TMEM63A: variants seen among roughly 807,000 people sequenced by gnomAD.
TMEM63A encodes the protein mechanosensitive cation channel TMEM63A.
TMEM63A carries 76 observed loss-of-function variants against 100.6 expected under a neutral mutation model. The observed-to-expected ratio is 0.76, with a 90% CI of 0.63 to 0.91. TMEM63A has a LOEUF of 0.91. TMEM63A is among the 40% of genes least tolerant of loss of function. TMEM63A has a pLI of 0.00. For missense variants in TMEM63A, 876 were observed against 1,008.8 expected (o/e 0.87, Z 1.78); for synonymous variants, 401 against 401.1 (o/e 1.00, Z 0.00).
rs1330686551 is a variant in TMEM63A at position 225,853,643 on chromosome 1, T to G, written c.1783A>C (p.Arg595=). The G allele has an allele frequency of 6.4e-7, 1 of 1,568,276 alleles. No individual in the cohort carries two copies. The highest frequency in any genetic ancestry group is 1.2e-5 in the South Asian group (1 of 85,138). ...MIMAKTAADR[R]NVKQNQAFQY... ...GGGGATGGCACCTGCTTGACATTCC[T>G]GCGGTCAGCAGCCGTCTTGGCCATG... is the stretch of plus-strand genomic sequence containing the variant. Residue 595 remains arginine, a synonymous_variant, in exon 19 of 25, where the codon AGG becomes CGG. Transcript: ENST00000366835. This position sits in a 1 kb window ranked among gnomAD's most constrained non-coding sequence, Gnocchi z 4.0.
In TMEM63A at chr1:225,867,958, G is replaced by A. The variant is rs1670297114; in HGVS notation, c.444C>T (p.Phe148=). 1.9e-6 allele frequency: 3 copies of A among 1,614,070 alleles called. No individual in the cohort carries two copies. In the Admixed American group the frequency reaches 5.0e-5, roughly 27 times the overall value. ...ACAAAAAGCTGACCACCACCAACAGGAAGATGATGTGCCTCTGGAAGGACA... is the reference window on the plus strand; with the variant it reads ...ACAAAAAGCTGACCACCACCAACAGAAAGATGATGTGCCTCTGGAAGGACA... ...HYLSFQRHII[F]LLVVVSFLSL... Residue 148 remains phenylalanine (F), a synonymous_variant, in exon 7 of 25, where the codon TTC becomes TTT. Coordinates refer to ENST00000366835, the MANE Select transcript of TMEM63A (RefSeq NM_014698.3). The surrounding 1 kb of genome is among the most constrained non-coding windows in gnomAD (Gnocchi z 4.6).
At chr1:225,870,240 T>C (rs184691632) in intron 6 of TMEM63A, among the ~76,000 whole-genome samples, 2 of 151,690 alleles carry the variant, frequency 1.3e-5, no homozygotes. Flanking sequence ...TAATCTCAGC[T>C]ACTCTGGAGG....
chr1:225,849,217 A>G (rs1364552359), intron 21 of TMEM63A, among the ~76,000 whole-genome samples: 1 of 149,038 alleles, frequency 6.7e-6, no homozygotes, highest in Non-Finnish European at 1.5e-5. Flanking sequence ...GAACACACAG[A>G]GGGACCCACT....
In TMEM63A at chr1:225,850,088, G is replaced by A; in HGVS notation, c.1904-9C>T. The A allele has an allele frequency of 6.2e-7, 1 of 1,613,918 alleles. No homozygotes were observed. The highest frequency in any genetic ancestry group is 1.1e-5 in the South Asian group (1 of 91,062). ...CAGGATGTAGATGAGGCCTGCAGGG[G>A]ATGGGGCTGTGAGCTGGAGACCTCG... is the stretch of plus-strand genomic sequence containing the variant. On this transcript the variant is annotated splice_polypyrimidine_tract_variant and intron_variant, in intron 20 of 24. Transcript: ENST00000366835.
intron 6 of TMEM63A, among the ~76,000 whole-genome samples, chr1:225,868,254 G>A (rs769938629): frequency 1.7e-4 from 26 of 152,254 alleles, no homozygotes; most frequent in Middle Eastern, 3.4e-3. Context: ...TACCATACTC[G>A]AGGTAAAGGA....
chr1:225,881,135 TC>T (rs11303700), intron 1 of TMEM63A, among the ~76,000 whole-genome samples: 144,423 of 152,280 alleles, frequency 0.95, 68,523 homozygotes, highest in East Asian at 1. Flanking sequence ...ACTGTTTACC[TC>T]CTACCCTGGA....
At chr1:225,864,510 G>C (rs957536813) in intron 10 of TMEM63A, 2 of 152,196 alleles carry the variant, frequency 1.3e-5, no homozygotes, top group African/African-American at 4.8e-5. Context: ...GTTTGTATGA[G>C]AATGAGGAGA....
downstream of TMEM63A, chr1:225,841,190 A>G (rs1173224400): frequency 1.3e-5 from 2 of 152,230 alleles, no homozygotes; most frequent in Non-Finnish European, 2.9e-5. Flanking sequence ...TTTAAGTCCT[A>G]TGAATAGAAT....
downstream of TMEM63A, chr1:225,845,339 C>T (rs775517001): frequency 5.6e-6 from 9 of 1,608,990 alleles, no homozygotes; most frequent in South Asian, 3.3e-5. Context: ...GGTGCTGGAG[C>T]GGCAATGACC....
chr1:225,869,667 T>TTTTCTTTTCTTTC (rs1553492496), intron 6 of TMEM63A, among the ~76,000 whole-genome samples: 10 of 2,640 alleles, frequency 3.8e-3, no homozygotes, highest in Admixed American at 0.018. Flanking sequence ...TTTTCTTTTC[T>TTTTCTTTTCTTTC]TTTTTTTTTT....
downstream of TMEM63A, among the ~76,000 whole-genome samples, chr1:225,843,094 G>C (rs1185114865): frequency 6.6e-6 from 1 of 152,228 alleles, no homozygotes; most frequent in African/African-American, 2.4e-5. Context: ...TAGGGACTCT[G>C]TCTTGGCCAT....
chr1:225,875,101 G>GT (rs1273501628), intron 3 of TMEM63A, among the ~76,000 whole-genome samples: 5 of 152,220 alleles, frequency 3.3e-5, no homozygotes, highest in Admixed American at 2.6e-4. Context: ...GAAACGGTCA[G>GT]TTTTTTCCTC....
intron 10 of TMEM63A, chr1:225,864,092 G>A (rs1670081501): frequency 6.6e-6 from 1 of 152,136 alleles, no homozygotes; most frequent in Non-Finnish European, 1.5e-5. Context: ...AGATCACACA[G>A]CTAGTGAGTG....
chr1:225,848,450 A>T (rs1416453512), intron 23 of TMEM63A, 42 bp downstream of exon 23: 1 of 1,610,252 alleles, frequency 6.2e-7, no homozygotes, highest in African/African-American at 1.3e-5. Context: ...ACCAAAGCAA[A>T]AAAAAGGGCG....
chr1:225,846,773 G>C lies in TMEM63A; in HGVS notation c.*166C>G, dbSNP rs1285839834. ...TTGTGCCGGAGGGGAAACTGGGTGAGCAAGGGAGGGGCGAGGCCTGCCTGT... is the reference window on the plus strand; with the variant it reads ...TTGTGCCGGAGGGGAAACTGGGTGACCAAGGGAGGGGCGAGGCCTGCCTGT... On this transcript the variant is annotated 3_prime_UTR_variant, in exon 25 of 25. Coordinates refer to ENST00000366835, the MANE Select transcript of TMEM63A (RefSeq NM_014698.3). 5.4e-6 allele frequency: 2 copies of C among 367,610 alleles called. No individual in the cohort carries two copies. The highest frequency in any genetic ancestry group is 9.8e-6 in the Non-Finnish European group (2 of 205,078). 22.8% of individuals were successfully genotyped at this position (367,610 alleles called of 1,614,324 possible).
Position 225,853,168 on chromosome 1 carries a change from G to T in TMEM63A, c.1798-399C>A, listed in dbSNP as rs1214241426. On this transcript the variant is annotated intron_variant, in intron 19 of 24. Transcript: ENST00000366835. The surrounding 1 kb of genome is among the most constrained non-coding windows in gnomAD (Gnocchi z 4.0). The stretch of plus-strand genomic sequence containing the variant: ...ATAAGGGGGCTGAGAATGAAATGAA[G>T]GAATGCAGCACTTCTCCCACTTTCC... 6.6e-6 allele frequency among the ~76,000 whole-genome samples: 1 copy of T among 152,162 alleles called. No individual in the cohort carries two copies. Among genetic ancestry groups the T allele is most frequent in the Non-Finnish European group, 1.5e-5 (1 of 68,018 alleles).
At chr1:225,870,087 T>C (rs1055214131) in intron 6 of TMEM63A, among the ~76,000 whole-genome samples, 7 of 152,184 alleles carry the variant, frequency 4.6e-5, no homozygotes, top group African/African-American at 1.7e-4. Context: ...CGGTGGCTCA[T>C]GCCTATAATC....
rs780018761 is a variant in TMEM63A at position 225,847,113 on chromosome 1, CTGA to C, written c.2348_2350del (p.Ile783del). On this transcript the variant is annotated inframe_deletion, in exon 24 of 25. Transcript: ENST00000366835. ...CAAGCACTGTCCAGGGATAGTCCCGCTGATGTTGTGGATGGCACCATAGGTCTG... is the reference window on the plus strand; with the variant it reads ...CAAGCACTGTCCAGGGATAGTCCCGCTGTTGTGGATGGCACCATAGGTCTG... The C allele has an allele frequency of 6.2e-7, 1 of 1,613,922 alleles. No individual in the cohort carries two copies. The highest frequency in any genetic ancestry group is 1.1e-5 in the South Asian group (1 of 91,092).
At chr1:225,861,798 A>T (rs1235473036) in intron 13 of TMEM63A, 1 of 207,472 alleles carries the variant, frequency 4.8e-6, no homozygotes, top group African/African-American at 2.3e-5. Context: ...TCTTCCCCAC[A>T]GCTTTGCATT....
Sources: gnomAD v4.1 joint callset for allele counts (sites outside exome capture counted in the v4.1 genomes callset) on GRCh38, gnomAD v4.1.1 for gene constraint, Gnocchi (gnomAD v3.1) non-coding constraint, MANE v1.5 for transcripts, NCBI Gene and HGNC (gene_info 2026-07-23, HGNC 2026-07-21) for gene names.